The following FAM199X variants were observed in gnomAD, a reference collection of about 807,000 sequenced individuals.
FAM199X encodes the protein protein FAM199X.
A neutral mutation model predicts 22.9 loss-of-function variants in FAM199X; 4 were observed. The ratio of observed to expected loss-of-function variants is 0.17; its 90% CI spans 0.09 to 0.40. The LOEUF (loss-of-function observed/expected upper bound fraction) is 0.40. Ranked by LOEUF, FAM199X falls within the 10% of genes least tolerant of loss-of-function variation. The pLI is 1.00. For synonymous variants in FAM199X, 101 were observed against 112.3 expected, an observed-to-expected ratio of 0.90 and a Z score of 0.64; for missense variants, 183 against 306.8, an observed-to-expected ratio of 0.60 and a Z score of 3.01.
Position 104,186,528 on chromosome X carries a change from T to G in FAM199X, c.636T>G (p.Ile212Met). The change falls in exon 4 of 6, where the codon ATT (isoleucine) becomes ATG (methionine). Residue 212 changes from isoleucine to methionine, a missense_variant. Physicochemically the swap from Ile to Met is conservative, Grantham distance 10 (BLOSUM62 1). Transcript: ENST00000493442. Reference sequence around the variant, plus strand: ...TGGGTCTTCGGGAGCAACTTGATATTATTAAGATCATTGATCCTTCTGCTC... The same window carrying G: ...TGGGTCTTCGGGAGCAACTTGATATGATTAAGATCATTGATCCTTCTGCTC... ...TEMGLREQLDIIKIIDPSAQI... is the reference protein window; with the variant it reads ...TEMGLREQLDMIKIIDPSAQI... 8.3e-7 allele frequency: 1 copy of G among 1,210,146 alleles called. No homozygotes were observed.
upstream of FAM199X, among the ~76,000 whole-genome samples, chrX:104,166,443 A>T (rs782307798): frequency 9.0e-6 from 1 of 110,903 alleles, no homozygotes; most frequent in African/African-American, 3.3e-5. Flanking sequence ...GGCGCCGGGC[A>T]GACTGCTGCA....
At chrX:104,168,255 A>C (rs1921263951) in intron 1 of FAM199X, among the ~76,000 whole-genome samples, 1 of 112,529 alleles carries the variant, frequency 8.9e-6, no homozygotes, top group Non-Finnish European at 1.9e-5. Flanking sequence ...ATTGCAAAAA[A>C]TGAAGAAACA....
intron 2 of FAM199X, 39 bp downstream of exon 2, chrX:104,175,881 G>A (rs12014009): frequency 0.033 from 32,251 of 966,447 alleles, 476 homozygotes; most frequent in Non-Finnish European, 0.04. Flanking sequence ...TGTTACTACC[G>A]AAGTAGAAGT....
intron 2 of FAM199X, among the ~76,000 whole-genome samples, chrX:104,180,607 C>T (rs1312494575): frequency 1.8e-5 from 2 of 111,002 alleles, no homozygotes; most frequent in Non-Finnish European, 3.8e-5. Flanking sequence ...AATGTGTTTT[C>T]CCACTTGTGA....
At chrX:104,182,282 C>T (rs1285745771) in intron 2 of FAM199X, among the ~76,000 whole-genome samples, 1 of 110,850 alleles carries the variant, frequency 9.0e-6, no homozygotes, top group Non-Finnish European at 1.9e-5. Flanking sequence ...CCACTGCGCT[C>T]GGCTTTGTAA....
intron 2 of FAM199X, among the ~76,000 whole-genome samples, chrX:104,184,566 T>C (rs2147895908): frequency 9.0e-6 from 1 of 111,420 alleles, no homozygotes; most frequent in South Asian, 3.7e-4. Context: ...TACTTGAGTA[T>C]ATGCATATGT....
the FAM199X span, among the ~76,000 whole-genome samples, chrX:104,161,112 T>C: frequency 8.9e-6 from 1 of 111,767 alleles, no homozygotes; most frequent in African/African-American, 3.2e-5. Flanking sequence ...AAATATATGA[T>C]CATCTTCCTC....
Position 104,189,887 on chromosome X carries a change from A to AAT in FAM199X, c.*111_*112dup, listed in dbSNP as rs1921894952. On this transcript the variant is annotated 3_prime_UTR_variant, in exon 6 of 6. Coordinates refer to ENST00000493442, the MANE Select transcript of FAM199X (RefSeq NM_207318.4). The stretch of plus-strand genomic sequence containing the variant: ...GTTAGGGCTGTGCTGATGTACCATT[A>AAT]ATAATTTAAGCCAGTGGTTCTTGGC... The AAT allele has an allele frequency of 6.4e-6, 5 of 776,217 alleles. No homozygotes were observed. Among genetic ancestry groups the AAT allele is most frequent in the Non-Finnish European group, 9.2e-6 (5 of 541,673 alleles). 64.0% of individuals were successfully genotyped at this position (776,217 alleles called of 1,213,427 possible). A position where few individuals can be genotyped will look rare whatever the true frequency, so the allele number is the denominator to read the frequency against.
intron 1 of FAM199X, among the ~76,000 whole-genome samples, chrX:104,167,362 C>T (rs1921236839): frequency 1.9e-5 from 2 of 106,475 alleles, no homozygotes; most frequent in Non-Finnish European, 3.9e-5. Context: ...ATTTCCGGTA[C>T]GCTGTAGAGG....
At chrX:104,176,387 T>C (rs1348524273) in intron 2 of FAM199X, among the ~76,000 whole-genome samples, 3 of 112,308 alleles carry the variant, frequency 2.7e-5, no homozygotes, top group Admixed American at 1.9e-4. Flanking sequence ...TCCTGCCTTA[T>C]AATAAGTGCA....
At chrX:104,163,194 G>T (rs1921081694), upstream of FAM199X, among the ~76,000 whole-genome samples, 1 of 110,028 alleles carries the variant, frequency 9.1e-6, no homozygotes, top group African/African-American at 3.3e-5. Context: ...CCAGTTATTG[G>T]GTTAAGTCCA....
chrX:104,170,930 T>C (rs782605719), intron 1 of FAM199X, among the ~76,000 whole-genome samples: 40 of 111,544 alleles, frequency 3.6e-4, no homozygotes, highest in Admixed American at 7.6e-4. Flanking sequence ...AGAAGTCAGG[T>C]TGGCTATATG....
chrX:104,178,785 A>G lies in FAM199X; in HGVS notation c.417+2943A>G, dbSNP rs186747706. ...CTAGTACCACACTGTTTTAGTTATTATAGCTTTTCAGTAAGTTTTGAAATT... is the reference window on the plus strand; with the variant it reads ...CTAGTACCACACTGTTTTAGTTATTGTAGCTTTTCAGTAAGTTTTGAAATT... On this transcript the variant is annotated intron_variant, in intron 2 of 5. Coordinates refer to ENST00000493442, the MANE Select transcript of FAM199X (RefSeq NM_207318.4). 8.1e-5 allele frequency among the ~76,000 whole-genome samples: 9 copies of G among 111,715 alleles called. No individual in the cohort carries two copies. The East Asian group carries it at 2.5e-3, about 31-fold the overall frequency.
the FAM199X span, among the ~76,000 whole-genome samples, chrX:104,159,140 G>A: frequency 2.7e-5 from 3 of 112,134 alleles, no homozygotes; most frequent in African/African-American, 9.7e-5. Flanking sequence ...TTTCAGAGGC[G>A]AGGAAAGAGA....
chrX:104,182,439 T>C (rs1300317105), intron 2 of FAM199X, among the ~76,000 whole-genome samples: 1 of 111,310 alleles, frequency 9.0e-6, no homozygotes, highest in African/African-American at 3.3e-5. Flanking sequence ...TAGCTGATCT[T>C]CCCTAAAGAC....
At position 104,191,407 on chromosome X, in the gene FAM199X, A is replaced by G. The variant is rs1313619886; in HGVS notation, c.*1629A>G. ...AAGACTACTAAAGTCATAATTTGAA[A>G]TTTTTACTAAAATAAAACATATGTG... is the stretch of plus-strand genomic sequence containing the variant. On this transcript the variant is annotated 3_prime_UTR_variant, in exon 6 of 6. Transcript: ENST00000493442. The G allele has an allele frequency of 1.8e-5, 2 of 111,974 alleles. No individual in the cohort carries two copies. The highest frequency in any genetic ancestry group is 3.8e-5 in the Non-Finnish European group (2 of 53,115). 9.2% of individuals were successfully genotyped at this position (111,974 alleles called of 1,213,427 possible). A position where few individuals can be genotyped will look rare whatever the true frequency, so the allele number is the denominator to read the frequency against.
At chrX:104,185,505 CTA>C (rs1231848448) in intron 2 of FAM199X, among the ~76,000 whole-genome samples, 17 of 112,162 alleles carry the variant, frequency 1.5e-4, no homozygotes, top group African/African-American at 4.2e-4. Flanking sequence ...CATTGAATAA[CTA>C]TATGCAAAGA....
intron 2 of FAM199X, among the ~76,000 whole-genome samples, chrX:104,182,301 G>A (rs1921680353): frequency 9.0e-6 from 1 of 110,830 alleles, no homozygotes; most frequent in Non-Finnish European, 1.9e-5. Context: ...AAATTTTCAT[G>A]TTATATTTTT....
At chrX:104,182,607 A>G (rs971244693) in intron 2 of FAM199X, among the ~76,000 whole-genome samples, 5 of 111,567 alleles carry the variant, frequency 4.5e-5, no homozygotes, top group Non-Finnish European at 9.4e-5. Flanking sequence ...TCTAGAATAT[A>G]TGTCACCTCA....
Sources: allele counts gnomAD v4.1 joint callset (sites outside exome capture counted in the v4.1 genomes callset), GRCh38; gene constraint gnomAD v4.1.1; transcripts MANE v1.5; gene names NCBI Gene and HGNC (gene_info 2026-07-23, HGNC 2026-07-21).